The following CDH18 variants were observed in gnomAD, a reference collection of about 807,000 sequenced individuals.
CDH18 encodes cadherin-18.
A neutral mutation model predicts 67.9 loss-of-function variants in CDH18; 31 were observed. The observed-to-expected ratio is 0.46, with a 90% CI of 0.34 to 0.62. The LOEUF is 0.62. CDH18 is among the 20% of genes least tolerant of loss of function. CDH18 has a pLI of 0.01. For synonymous variants in CDH18, 362 were observed against 347.2 expected (o/e 1.04, Z -0.48); for missense variants, 890 against 975.5 (o/e 0.91, Z 1.17).
At chr5:20,200,609 G>A (rs189006839) in intron 2 of CDH18, among the ~76,000 whole-genome samples, 1 of 152,230 alleles carries the variant, frequency 6.6e-6, no homozygotes, top group East Asian at 1.9e-4. Context: ...TGGGGAGGAT[G>A]AGGCTGCAGT....
chr5:20,118,591 C>T (rs538258144), intron 2 of CDH18, among the ~76,000 whole-genome samples: 1 of 152,218 alleles, frequency 6.6e-6, no homozygotes, highest in South Asian at 2.1e-4. Context: ...CCAGACTTAC[C>T]ATCTACAGTT....
At chr5:19,571,905 A>G in intron 7 of CDH18, 73 bp from the exon 8 acceptor site, 1 of 1,201,370 alleles carries the variant, frequency 8.3e-7, no homozygotes. Context: ...CTTTTCAAAT[A>G]TGCATTATTT....
At chr5:20,123,648 G>C (rs986965849) in intron 2 of CDH18, among the ~76,000 whole-genome samples, 5 of 152,148 alleles carry the variant, frequency 3.3e-5, no homozygotes, top group Admixed American at 2.6e-4. Flanking sequence ...AGCACTTTGG[G>C]ACGCCGAGGC....
chr5:20,107,728 T>G (rs1747086798), intron 2 of CDH18, among the ~76,000 whole-genome samples: 1 of 152,162 alleles, frequency 6.6e-6, no homozygotes, highest in Non-Finnish European at 1.5e-5. Flanking sequence ...TTTTCTGTGC[T>G]TCTGCATTCC....
chr5:19,830,316 C>A (rs868754428), intron 3 of CDH18, among the ~76,000 whole-genome samples: 5 of 152,086 alleles, frequency 3.3e-5, no homozygotes, highest in Middle Eastern at 3.4e-3. Flanking sequence ...TATCCAGAAT[C>A]TATATGAAAA....
chr5:19,625,586 C>T (rs1008021115), intron 5 of CDH18, among the ~76,000 whole-genome samples: 1 of 152,292 alleles, frequency 6.6e-6, no homozygotes, highest in African/African-American at 2.4e-5. Context: ...CTCTCCCTGG[C>T]TTATCATTGG....
At chr5:20,513,937 A>G (rs1436782817) in intron 1 of CDH18, among the ~76,000 whole-genome samples, 1 of 152,172 alleles carries the variant, frequency 6.6e-6, no homozygotes, top group Non-Finnish European at 1.5e-5. Context: ...TTCAGTTTAC[A>G]ATTACATTTT....
intron 2 of CDH18, among the ~76,000 whole-genome samples, chr5:19,940,030 A>C (rs1794663093): frequency 6.6e-6 from 1 of 151,784 alleles, no homozygotes; most frequent in Non-Finnish European, 1.5e-5. Flanking sequence ...GAAAAGCTGA[A>C]TGTTTTCAAT....
At chr5:20,458,991 T>TA (rs564894276) in intron 1 of CDH18, among the ~76,000 whole-genome samples, 7 of 151,656 alleles carry the variant, frequency 4.6e-5, no homozygotes, top group Non-Finnish European at 8.8e-5. Context: ...ACCAATTTCC[T>TA]AAAAAAAAGT....
chr5:19,589,496 T>C (rs1314860540), intron 7 of CDH18, among the ~76,000 whole-genome samples: 1 of 152,096 alleles, frequency 6.6e-6, no homozygotes. Context: ...TTCTCACCTT[T>C]GTATCCACAT....
intron 1 of CDH18, among the ~76,000 whole-genome samples, chr5:20,299,590 C>T (rs1265165037): frequency 6.6e-6 from 1 of 151,860 alleles, no homozygotes; most frequent in Non-Finnish European, 1.5e-5. Context: ...GAAACCCCGT[C>T]TCTACTAAAA....
At chr5:19,808,663 TA>T (rs532046251) in intron 3 of CDH18, among the ~76,000 whole-genome samples, 16 of 146,648 alleles carry the variant, frequency 1.1e-4, no homozygotes, top group African/African-American at 7.5e-5. Flanking sequence ...CTGTCTCTAC[TA>T]AAAAAAAAAT....
chr5:19,512,428 T>C (rs906284034), intron 10 of CDH18, among the ~76,000 whole-genome samples: 1 of 152,138 alleles, frequency 6.6e-6, no homozygotes, highest in African/African-American at 2.4e-5. Context: ...ATCATGGAAA[T>C]AAAGATCCAC....
At chr5:19,623,750 T>C (rs1751062880) in intron 5 of CDH18, among the ~76,000 whole-genome samples, 1 of 151,474 alleles carries the variant, frequency 6.6e-6, no homozygotes, top group Non-Finnish European at 1.5e-5. Context: ...TAGAGTCATA[T>C]AATTTTAAAT....
At chr5:19,608,505 C>G (rs900130330) in intron 6 of CDH18, among the ~76,000 whole-genome samples, 2 of 147,662 alleles carry the variant, frequency 1.4e-5, no homozygotes, top group East Asian at 4.0e-4. Flanking sequence ...AACAACAGCT[C>G]CCCCCCCAAA....
intron 8 of CDH18, among the ~76,000 whole-genome samples, chr5:19,547,127 A>C (rs1265000663): frequency 6.6e-6 from 1 of 151,980 alleles, no homozygotes; most frequent in Non-Finnish European, 1.5e-5. Context: ...AAAAAACAAA[A>C]CCCTTCTTAT....
At chr5:20,500,204 C>T (rs1754172697) in intron 1 of CDH18, among the ~76,000 whole-genome samples, 1 of 152,096 alleles carries the variant, frequency 6.6e-6, no homozygotes, top group African/African-American at 2.4e-5. Flanking sequence ...TCTATAGGCA[C>T]TCAAACAATT....
At chr5:19,730,757 G>T (rs1244120984) in intron 4 of CDH18, among the ~76,000 whole-genome samples, 1 of 75,874 alleles carries the variant, frequency 1.3e-5, no homozygotes, top group African/African-American at 4.3e-5. Context: ...TCACACAGAA[G>T]TATTAAATGG....
intron 3 of CDH18, among the ~76,000 whole-genome samples, chr5:19,752,813 GT>G (rs1771032416): frequency 2.6e-5 from 4 of 152,278 alleles, no homozygotes; most frequent in African/African-American, 9.6e-5. Context: ...ACAGGTGCTG[GT>G]ATTCATGGCT....
Sources: gnomAD v4.1 joint callset for allele counts (sites outside exome capture counted in the v4.1 genomes callset) on GRCh38, gnomAD v4.1.1 for gene constraint, MANE v1.5 for transcripts, NCBI Gene and HGNC (gene_info 2026-07-23, HGNC 2026-07-21) for gene names.